GRID2: variants seen among roughly 807,000 people sequenced by gnomAD.
GRID2 encodes glutamate receptor ionotropic, delta-2.
GRID2 carries 33 observed loss-of-function variants against 114.8 expected under a neutral mutation model. The ratio of observed to expected loss-of-function variants is 0.29; its 90% CI spans 0.22 to 0.38. The LOEUF (loss-of-function observed/expected upper bound fraction) is 0.38, where lower values mean the gene tolerates loss of function less well. Ranked by LOEUF, GRID2 falls within the 10% of genes least tolerant of loss-of-function variation. The pLI is 1.00. For missense variants in GRID2, 1,184 were observed against 1,257.7 expected, an observed-to-expected ratio of 0.94 and a Z score of 0.89; for synonymous variants, 505 against 449.9, an observed-to-expected ratio of 1.12 and a Z score of -1.55.
intron 1 of GRID2, among the ~76,000 whole-genome samples, chr4:92,498,970 A>G (rs1309896692): frequency 2.7e-5 from 4 of 150,722 alleles, no homozygotes; most frequent in Admixed American, 2.6e-4. Context: ...TGTGACCATA[A>G]TATTGTCCAA....
chr4:93,062,960 T>C (rs543314951), intron 2 of GRID2, among the ~76,000 whole-genome samples: 1 of 152,090 alleles, frequency 6.6e-6, no homozygotes, highest in South Asian at 2.1e-4. Flanking sequence ...TTTATCCTAA[T>C]ATAAAATTAT....
rs781766654 is a variant in GRID2, at chr4:93,772,449, C to T, written c.2975C>T (p.Thr992Ile). The T allele has an allele frequency of 9.3e-6, 15 of 1,611,172 alleles. No homozygotes were observed. In the Admixed American group the frequency reaches 2.5e-4, roughly 27 times the overall value. The change falls in exon 16 of 16, where the codon ACC becomes ATC. Residue 992 changes from threonine to isoleucine, a missense_variant. By Grantham distance (89) the Thr-to-Ile change is moderately conservative (BLOSUM62 -1). Coordinates refer to ENST00000282020, the MANE Select transcript of GRID2 (RefSeq NM_001510.4). Reference protein sequence around the residue: ...MSSIPYQPTPTLGLNLGNDPD... With the variant: ...MSSIPYQPTPILGLNLGNDPD... Reference sequence around the variant, plus strand: ...TCTATTCCTTATCAACCAACTCCTACCCTGGGGCTCAATCTGGGTAATGAT... The same window carrying T: ...TCTATTCCTTATCAACCAACTCCTATCCTGGGGCTCAATCTGGGTAATGAT...
intron 2 of GRID2, among the ~76,000 whole-genome samples, chr4:92,738,714 T>G (rs2149329713): frequency 6.6e-6 from 1 of 152,250 alleles, no homozygotes; most frequent in African/African-American, 2.4e-5. Flanking sequence ...TACAGTATCA[T>G]GATCATAGCT....
chr4:93,360,297 AT>A (rs2149273719), intron 8 of GRID2, among the ~76,000 whole-genome samples: 1 of 151,800 alleles, frequency 6.6e-6, no homozygotes, highest in African/African-American at 2.4e-5. Context: ...TATGTATTCC[AT>A]TCTCTATCTT....
At chr4:92,932,218 G>GA (rs1171573606) in intron 2 of GRID2, among the ~76,000 whole-genome samples, 1 of 151,126 alleles carries the variant, frequency 6.6e-6, no homozygotes, top group Non-Finnish European at 1.5e-5. Context: ...GAGTAAATAT[G>GA]AAAAAAACAA....
At chr4:93,631,008 T>C (rs1743197341) in intron 14 of GRID2, among the ~76,000 whole-genome samples, 1 of 152,186 alleles carries the variant, frequency 6.6e-6, no homozygotes, top group African/African-American at 2.4e-5. Flanking sequence ...ATACTGTTGC[T>C]GTCCTAATTG....
At chr4:92,400,243 A>G in intron 1 of GRID2, among the ~76,000 whole-genome samples, 1 of 152,146 alleles carries the variant, frequency 6.6e-6, no homozygotes, top group South Asian at 2.1e-4. Context: ...ACCTCTATCC[A>G]TTATCAGTCA....
intron 14 of GRID2, among the ~76,000 whole-genome samples, chr4:93,653,260 G>A (rs1402444118): frequency 6.6e-6 from 1 of 152,176 alleles, no homozygotes; most frequent in African/African-American, 2.4e-5. Context: ...CCTCCACGCT[G>A]TCACATTTCC....
chr4:92,538,453 G>A (rs547429241), intron 1 of GRID2, among the ~76,000 whole-genome samples: 3 of 152,120 alleles, frequency 2.0e-5, no homozygotes, highest in Non-Finnish European at 2.9e-5. Context: ...TTAGTTGCTT[G>A]TAAGAAAACA....
chr4:93,181,539 T>C (rs1167704324), intron 4 of GRID2, among the ~76,000 whole-genome samples: 3 of 152,212 alleles, frequency 2.0e-5, no homozygotes, highest in Non-Finnish European at 4.4e-5. Context: ...AAAGTCCCAA[T>C]GGCATCTTCC....
intron 14 of GRID2, among the ~76,000 whole-genome samples, chr4:93,665,558 C>T (rs939364118): frequency 2.5e-4 from 38 of 152,162 alleles, no homozygotes; most frequent in Non-Finnish European, 1.9e-4. Flanking sequence ...CCAGTGTGCT[C>T]CATCACCTCA....
chr4:92,755,629 C>T (rs541303199), intron 2 of GRID2, among the ~76,000 whole-genome samples: 1 of 151,910 alleles, frequency 6.6e-6, no homozygotes, highest in South Asian at 2.1e-4. Context: ...AAGCTTGAGT[C>T]AGGAAAGAAT....
chr4:93,568,647 A>G (rs892539374), intron 13 of GRID2, among the ~76,000 whole-genome samples: 3 of 152,196 alleles, frequency 2.0e-5, no homozygotes, highest in East Asian at 1.9e-4. Context: ...TCATTGTAAT[A>G]AGACAATAGT....
At position 92,589,789 on chromosome 4, in the gene GRID2, T is replaced by C. The variant is rs1728621222; in HGVS notation, c.89-342T>C. ...TATTTCCTTTTATTCAGAAAAGAAA[T>C]CTTCCAGCTATGAATTCCTTAAAAA... On this transcript the variant is annotated intron_variant, in intron 1 of 15. Transcript: ENST00000282020. Among the ~76,000 whole-genome samples, 3 of 152,138 alleles carry C rather than the reference T, an allele frequency of 2.0e-5. No individual in the cohort carries two copies. In the East Asian group the frequency reaches 5.8e-4, roughly 29 times the overall value.
chr4:92,630,033 A>C (rs1730723573), intron 2 of GRID2, among the ~76,000 whole-genome samples: 1 of 151,630 alleles, frequency 6.6e-6, no homozygotes, highest in Admixed American at 6.6e-5. Context: ...GAGCTCAGAT[A>C]ATTATAACAG....
At chr4:93,155,280 G>A (rs1193504130) in intron 4 of GRID2, among the ~76,000 whole-genome samples, 1 of 151,932 alleles carries the variant, frequency 6.6e-6, no homozygotes, top group Non-Finnish European at 1.5e-5. Context: ...ACATGAGGAT[G>A]TTCTAGCCAT....
rs1044350085 is a variant in GRID2 at position 93,660,972 on chromosome 4, A to G, written c.2360+34537A>G. ...CTCTCTTATCCACAGGGGGAAAAAA[A>G]AAGCAAAAAACTGACCTCGCACCTG... is the stretch of plus-strand genomic sequence containing the variant. On this transcript the variant is annotated intron_variant, in intron 14 of 15. Transcript: ENST00000282020. Among the ~76,000 whole-genome samples the G allele has an allele frequency of 3.3e-5, 5 of 152,256 alleles. No individual in the cohort carries two copies. In the East Asian group the frequency reaches 9.6e-4, roughly 29 times the overall value.
chr4:93,509,729 C>T (rs1487460202), intron 12 of GRID2, among the ~76,000 whole-genome samples: 1 of 152,134 alleles, frequency 6.6e-6, no homozygotes, highest in Admixed American at 6.6e-5. Context: ...TTGGGGATGG[C>T]CTGCCTTACC....
At chr4:93,799,207 T>C (rs2110365139) in intron 1 of GRID2, among the ~76,000 whole-genome samples, 1 of 152,354 alleles carries the variant, frequency 6.6e-6, no homozygotes, top group Non-Finnish European at 1.5e-5. Flanking sequence ...GTCATTGCAA[T>C]GCACTGTTAA....
Sources: gnomAD v4.1 joint callset for allele counts (sites outside exome capture counted in the v4.1 genomes callset) on GRCh38, gnomAD v4.1.1 for gene constraint, MANE v1.5 for transcripts, NCBI Gene and HGNC (gene_info 2026-07-23, HGNC 2026-07-21) for gene names.